The following RFC3 variants were observed in gnomAD, a reference collection of about 807,000 sequenced individuals.
RFC3 encodes A1 38 kDa subunit.
RFC3 carries 41 observed loss-of-function variants against 45.1 expected under a neutral mutation model. The ratio of observed to expected loss-of-function variants is 0.91; its 90% CI spans 0.71 to 1.18. The LOEUF (loss-of-function observed/expected upper bound fraction) is 1.18. RFC3 is among the 50% of genes most tolerant of loss of function. The probability of loss-of-function intolerance (pLI) is 0.00; values close to 1 mark genes in which losing one functional copy is unlikely to be tolerated. For synonymous variants in RFC3, 149 were observed against 144.0 expected, an observed-to-expected ratio of 1.03 and a Z score of -0.25; for missense variants, 423 against 428.1, an observed-to-expected ratio of 0.99 and a Z score of 0.10.
the RFC3 span, among the ~76,000 whole-genome samples, chr13:33,976,608 A>C: frequency 6.6e-6 from 1 of 152,206 alleles, no homozygotes; most frequent in Non-Finnish European, 1.5e-5. Context: ...GAAGTGATGG[A>C]TATTCCAATT....
At chr13:33,961,976 C>T (rs769661891) in intron 8 of RFC3, among the ~76,000 whole-genome samples, 2 of 152,208 alleles carry the variant, frequency 1.3e-5, no homozygotes, top group Non-Finnish European at 2.9e-5. Context: ...CTGGCCACAA[C>T]TGTCTTAAAG....
intron 8 of RFC3, among the ~76,000 whole-genome samples, chr13:33,893,550 A>G (rs759141526): frequency 6.6e-6 from 1 of 152,132 alleles, no homozygotes; most frequent in Non-Finnish European, 1.5e-5. Flanking sequence ...CCTGACCTCA[A>G]TGAGAAGGCA....
chr13:33,843,965 C>T (rs547487271), intron 8 of RFC3, among the ~76,000 whole-genome samples: 9 of 152,282 alleles, frequency 5.9e-5, no homozygotes, highest in South Asian at 2.1e-4. Flanking sequence ...TCTCCTAATA[C>T]GGTAGAGAAG....
At chr13:33,884,050 C>T (rs1440175929) in intron 8 of RFC3, among the ~76,000 whole-genome samples, 1 of 152,154 alleles carries the variant, frequency 6.6e-6, no homozygotes, top group East Asian at 1.9e-4. Context: ...TCAGAAAGCT[C>T]AACTGTGTAT....
intron 8 of RFC3, among the ~76,000 whole-genome samples, chr13:33,876,282 G>T (rs2082446260): frequency 2.0e-5 from 3 of 152,140 alleles, no homozygotes; most frequent in Non-Finnish European, 1.5e-5. Flanking sequence ...GCGCTTCCGT[G>T]GTCTGTCCTA....
chr13:33,865,327 T>C (rs2082366439), intron 8 of RFC3, among the ~76,000 whole-genome samples: 1 of 152,176 alleles, frequency 6.6e-6, no homozygotes, highest in Admixed American at 6.5e-5. Context: ...GGAGTTGCCT[T>C]GTAAGAAGCT....
chr13:33,954,683 A>G (rs960730490), intron 8 of RFC3, among the ~76,000 whole-genome samples: 6 of 152,184 alleles, frequency 3.9e-5, no homozygotes, highest in Non-Finnish European at 7.3e-5. Context: ...CCTGGTTTGT[A>G]GACAGCCATC....
At chr13:33,934,017 G>A (rs1426653654) in intron 8 of RFC3, among the ~76,000 whole-genome samples, 15 of 151,992 alleles carry the variant, frequency 9.9e-5, no homozygotes, top group East Asian at 1.9e-4. Context: ...GAAAAAAAGG[G>A]AAATGAAAGA....
At chr13:33,843,760 G>T (rs901560736) in intron 8 of RFC3, among the ~76,000 whole-genome samples, 6 of 152,204 alleles carry the variant, frequency 3.9e-5, no homozygotes, top group Non-Finnish European at 8.8e-5. Flanking sequence ...CCAAGAAATG[G>T]GCTGTCAACA....
At chr13:33,951,709 C>G (rs1163325878) in intron 8 of RFC3, among the ~76,000 whole-genome samples, 1 of 152,118 alleles carries the variant, frequency 6.6e-6, no homozygotes, top group Non-Finnish European at 1.5e-5. Flanking sequence ...TGGCAAATCT[C>G]TATGGTTTCA....
At chr13:33,888,116 T>C (rs1164170578) in intron 8 of RFC3, among the ~76,000 whole-genome samples, 1 of 152,204 alleles carries the variant, frequency 6.6e-6, no homozygotes, top group African/African-American at 2.4e-5. Context: ...ATGCAGGCTC[T>C]TTTTTGGTTC....
chr13:33,883,065 G>A (rs908191772), intron 8 of RFC3, among the ~76,000 whole-genome samples: 1 of 152,146 alleles, frequency 6.6e-6, no homozygotes, highest in African/African-American at 2.4e-5. Flanking sequence ...ATAAAAAGCT[G>A]CTGTGAATAT....
In RFC3 at chr13:33,837,128, G is replaced by A. The variant is rs2082162385; in HGVS notation, c.*833G>A. On this transcript the variant is annotated 3_prime_UTR_variant, in exon 9 of 9. Transcript: ENST00000380071. ...ATAAAATAAAATATACCCATTTTAAGGGTACAGTTTGATTTTTGACCAGTG... is the reference window on the plus strand; with the variant it reads ...ATAAAATAAAATATACCCATTTTAAAGGTACAGTTTGATTTTTGACCAGTG... 1.2e-6 allele frequency: 1 copy of A among 847,692 alleles called. No homozygotes were observed. The highest frequency in any genetic ancestry group is 6.2e-5 in the Admixed American group (1 of 16,042). The allele number at this position is 847,692 out of a possible 1,614,324, so 52.5% of individuals were successfully genotyped here.
chr13:33,963,777 G>A (rs1273405854), intron 8 of RFC3, among the ~76,000 whole-genome samples: 1 of 152,158 alleles, frequency 6.6e-6, no homozygotes, highest in African/African-American at 2.4e-5. Flanking sequence ...TGTTATCACG[G>A]CCAACACTGA....
At chr13:33,964,077 C>T (rs978256961) in intron 8 of RFC3, among the ~76,000 whole-genome samples, 8 of 152,116 alleles carry the variant, frequency 5.3e-5, no homozygotes, top group African/African-American at 2.4e-5. Context: ...CCTCACTGTA[C>T]ACAAATTAGC....
chr13:33,871,950 T>G (rs1234780391), intron 8 of RFC3, among the ~76,000 whole-genome samples: 1 of 152,220 alleles, frequency 6.6e-6, no homozygotes, highest in Non-Finnish European at 1.5e-5. Flanking sequence ...TTGTACCAAG[T>G]AGTATTTAGT....
At chr13:33,904,339 G>A (rs2082659446) in intron 8 of RFC3, among the ~76,000 whole-genome samples, 1 of 151,678 alleles carries the variant, frequency 6.6e-6, no homozygotes, top group South Asian at 2.1e-4. Flanking sequence ...TTTTTTGATT[G>A]CCAAAGCTCA....
chr13:33,860,260 A>C (rs914418218), intron 8 of RFC3, among the ~76,000 whole-genome samples: 1 of 151,704 alleles, frequency 6.6e-6, no homozygotes, highest in Non-Finnish European at 1.5e-5. Context: ...TGAGAAGGAA[A>C]AAAGCCAGGA....
intron 8 of RFC3, among the ~76,000 whole-genome samples, chr13:33,926,647 G>A (rs2082815534): frequency 6.6e-6 from 1 of 151,596 alleles, no homozygotes; most frequent in African/African-American, 2.4e-5. Context: ...GGTTTATATG[G>A]GTTAAAACTT....
Sources: allele counts gnomAD v4.1 joint callset (sites outside exome capture counted in the v4.1 genomes callset), GRCh38; gene constraint gnomAD v4.1.1; transcripts MANE v1.5; gene names NCBI Gene and HGNC (gene_info 2026-07-23, HGNC 2026-07-21).